Variants in CDH4 observed in about 807,000 individuals in gnomAD.
The protein encoded by CDH4 is cadherin-4.
CDH4 carries 33 observed loss-of-function variants against 86.0 expected under a neutral mutation model. The observed-to-expected ratio is 0.38, with a 90% confidence interval of 0.29 to 0.51. The LOEUF is 0.51. Among genes scored for constraint, CDH4 ranks in the 20% least tolerant of loss-of-function variants. The pLI is 0.86. For missense variants in CDH4, 1,114 were observed against 1,307.4 expected (o/e 0.85, Z 2.28); for synonymous variants, 555 against 549.4 (o/e 1.01, Z -0.14).
rs555900281 is a variant in CDH4, at chr20:61,556,508, A to G, written c.170-187055A>G. On this transcript the variant is annotated intron_variant, in intron 2 of 15. Transcript: ENST00000614565. ...CTTTTAAGAGAAACAATGAAAGTCC[A>G]AACAGAAGCTTGAGTGTTTTCTTAA... Among the ~76,000 whole-genome samples the G allele has an allele frequency of 4.6e-5, 7 of 152,348 alleles. 1 individual carries two copies. Among genetic ancestry groups the G allele is most frequent in the Middle Eastern group, 3.4e-3 (1 of 294 alleles).
In CDH4 at chr20:61,652,356, G is replaced by A. The variant is rs377679020; in HGVS notation, c.170-91207G>A. 6.5e-3 allele frequency among the ~76,000 whole-genome samples: 987 copies of A among 151,704 alleles called. 9 individuals are homozygous for A. Among genetic ancestry groups the A allele is most frequent in the Middle Eastern group, 0.024 (7 of 294 alleles). ...CCGTACCCTACATACTAAATAGCAC[G>A]AGGCTTGGTCGCTTAGCAGTAACCA... On this transcript the variant is annotated intron_variant, in intron 2 of 15. Transcript: ENST00000614565.
At chr20:61,381,633 T>C (rs2084901292) in intron 2 of CDH4, among the ~76,000 whole-genome samples, 1 of 152,142 alleles carries the variant, frequency 6.6e-6, no homozygotes, top group African/African-American at 2.4e-5. Flanking sequence ...GTCCGCAGAA[T>C]GTCCCCCCTT....
intron 3 of CDH4, among the ~76,000 whole-genome samples, chr20:61,751,438 C>T (rs536727488): frequency 6.6e-6 from 1 of 152,242 alleles, no homozygotes; most frequent in Non-Finnish European, 1.5e-5. Flanking sequence ...AATAATGAGC[C>T]CAGAAAAAGA....
At chr20:61,437,925 T>G (rs2085293937) in intron 2 of CDH4, among the ~76,000 whole-genome samples, 1 of 152,214 alleles carries the variant, frequency 6.6e-6, no homozygotes. Flanking sequence ...CGTTTTCTAC[T>G]AAGGGCCAGT....
intron 2 of CDH4, among the ~76,000 whole-genome samples, chr20:61,302,771 C>A (rs2123207273): frequency 6.6e-6 from 1 of 152,314 alleles, no homozygotes; most frequent in Non-Finnish European, 1.5e-5. Context: ...TCTCACCTTG[C>A]CCCGCAGAAG....
rs533919966 is a variant in CDH4, at chr20:61,502,511, A to G, written c.170-241052A>G. Among the ~76,000 whole-genome samples the G allele has an allele frequency of 3.3e-5, 5 of 152,328 alleles. No individual in the cohort carries two copies. In the East Asian group the frequency reaches 7.7e-4, roughly 23 times the overall value. ...TAGCTAGAGATTATTTTTCCAGCTC[A>G]TTGAAAGAGGAGTTACAGATGCAAC... On this transcript the variant is annotated intron_variant, in intron 2 of 15. Coordinates refer to ENST00000614565, the MANE Select transcript of CDH4 (RefSeq NM_001794.5).
intron 2 of CDH4, among the ~76,000 whole-genome samples, chr20:61,644,157 G>T (rs958793905): frequency 6.6e-6 from 1 of 152,200 alleles, no homozygotes; most frequent in Non-Finnish European, 1.5e-5. Context: ...CAGGAGTGTG[G>T]AGGAGAGTTT....
At chr20:61,576,061 A>G (rs758861321) in intron 2 of CDH4, among the ~76,000 whole-genome samples, 1 of 152,166 alleles carries the variant, frequency 6.6e-6, no homozygotes, top group Non-Finnish European at 1.5e-5. Flanking sequence ...GGAGGGGAAG[A>G]TGAAAGAGGG....
rs368658811 is a variant in CDH4 at position 61,358,764 on chromosome 20, A to T, written c.169+103827A>T. On this transcript the variant is annotated intron_variant, in intron 2 of 15. Coordinates refer to ENST00000614565, the MANE Select transcript of CDH4 (RefSeq NM_001794.5). ...CAACAGTGATCCCGGCCAGGGTCTC[A>T]GACAGTAATTCCCACCCAGGGAACA... is the stretch of plus-strand genomic sequence containing the variant. 1.2e-3 allele frequency among the ~76,000 whole-genome samples: 186 copies of T among 152,292 alleles called. 2 individuals carry two copies. The highest frequency in any genetic ancestry group is 4.4e-3 in the African/African-American group (183 of 41,564).
At chr20:61,657,143 T>C (rs924127435) in intron 2 of CDH4, among the ~76,000 whole-genome samples, 2 of 152,230 alleles carry the variant, frequency 1.3e-5, no homozygotes, top group Non-Finnish European at 2.9e-5. Flanking sequence ...CCCAGAGGGA[T>C]CATCCCTCCC....
At chr20:61,694,236 G>A (rs1000557158) in intron 2 of CDH4, among the ~76,000 whole-genome samples, 6 of 152,126 alleles carry the variant, frequency 3.9e-5, no homozygotes, top group Non-Finnish European at 5.9e-5. Flanking sequence ...GGGAAGAGGC[G>A]CAGGTAGAGT....
chr20:61,347,318 G>T (rs533508144), intron 2 of CDH4, among the ~76,000 whole-genome samples: 1 of 152,332 alleles, frequency 6.6e-6, no homozygotes, highest in South Asian at 2.1e-4. Context: ...GGCCAACGTG[G>T]TTTTAGAAAT....
intron 9 of CDH4, among the ~76,000 whole-genome samples, chr20:61,921,490 G>A (rs993159807): frequency 1.3e-5 from 2 of 152,252 alleles, no homozygotes; most frequent in Non-Finnish European, 2.9e-5. Context: ...AGTGGCCCAC[G>A]CCTGTCATCC....
At chr20:61,609,664 G>T in intron 2 of CDH4, among the ~76,000 whole-genome samples, 1 of 152,208 alleles carries the variant, frequency 6.6e-6, no homozygotes, top group East Asian at 1.9e-4. Flanking sequence ...GAACCAGGCA[G>T]CAGGTGGCCA....
chr20:61,437,619 G>C (rs1413037369), intron 2 of CDH4: 5 of 152,184 alleles, frequency 3.3e-5, no homozygotes, highest in Admixed American at 3.3e-4. Flanking sequence ...CAAATGGATC[G>C]TCAGTGTGTT....
At chr20:61,780,654 C>T (rs1217173665) in intron 4 of CDH4, among the ~76,000 whole-genome samples, 1 of 152,216 alleles carries the variant, frequency 6.6e-6, no homozygotes, top group African/African-American at 2.4e-5. Context: ...CATTCTAACA[C>T]TCCTATCAAT....
intron 2 of CDH4, among the ~76,000 whole-genome samples, chr20:61,530,697 A>T (rs1300191612): frequency 6.6e-6 from 1 of 152,150 alleles, no homozygotes; most frequent in Non-Finnish European, 1.5e-5. Context: ...GCCATGAAGT[A>T]GATGGATCTG....
At chr20:61,310,590 C>G (rs1020582650) in intron 2 of CDH4, among the ~76,000 whole-genome samples, 4 of 152,206 alleles carry the variant, frequency 2.6e-5, no homozygotes, top group African/African-American at 4.8e-5. Context: ...CCAGCTGCCC[C>G]CTTCCTGCTG....
intron 2 of CDH4, among the ~76,000 whole-genome samples, chr20:61,338,457 G>C (rs550337262): frequency 6.6e-6 from 1 of 152,220 alleles, no homozygotes; most frequent in Non-Finnish European, 1.5e-5. Flanking sequence ...TCACCGTGAA[G>C]ACTCGTTCTC....
Sources: gnomAD v4.1 joint callset for allele counts (sites outside exome capture counted in the v4.1 genomes callset) on GRCh38, gnomAD v4.1.1 for gene constraint, MANE v1.5 for transcripts, NCBI Gene and HGNC (gene_info 2026-07-23, HGNC 2026-07-21) for gene names.